Variants in FHIT observed in about 807,000 individuals in gnomAD.
FHIT encodes bis(5'-adenosyl)-triphosphatase.
Under a neutral mutation model 17.9 loss-of-function variants are expected in FHIT, and 19 were observed. That is an observed-to-expected ratio of 1.06 (90% CI 0.74 to 1.56). The LOEUF (loss-of-function observed/expected upper bound fraction) is 1.56. FHIT is among the 40% of genes most tolerant of loss of function. The pLI, the probability that FHIT is intolerant of heterozygous loss-of-function variation, is 0.00. For missense variants in FHIT, 248 were observed against 189.2 expected (o/e 1.31, Z -1.82); for synonymous variants, 81 against 69.7 (o/e 1.16, Z -0.81).
At chr3:60,553,912 C>G (rs2036654078) in intron 4 of FHIT, among the ~76,000 whole-genome samples, 2 of 151,918 alleles carry the variant, frequency 1.3e-5, no homozygotes, top group South Asian at 2.1e-4. Flanking sequence ...ACTGCAAAAC[C>G]CTGTCTCTAC....
chr3:60,455,019 T>A (rs2031998463), intron 5 of FHIT, among the ~76,000 whole-genome samples: 1 of 152,144 alleles, frequency 6.6e-6, no homozygotes, highest in Non-Finnish European at 1.5e-5. Context: ...CTTTAGTGAC[T>A]ATATTATAGT....
chr3:60,385,102 T>C (rs529312199), intron 5 of FHIT, among the ~76,000 whole-genome samples: 1 of 152,334 alleles, frequency 6.6e-6, no homozygotes, highest in East Asian at 1.9e-4. Flanking sequence ...TAGCATTTGC[T>C]ATATAACCAT....
At chr3:60,066,177 G>C (rs1702494508) in intron 5 of FHIT, among the ~76,000 whole-genome samples, 1 of 152,056 alleles carries the variant, frequency 6.6e-6, no homozygotes, top group South Asian at 2.1e-4. Context: ...CTGTTGGAGG[G>C]AAATCCCCAG....
At chr3:60,516,156 G>T (rs1216537239) in intron 5 of FHIT, among the ~76,000 whole-genome samples, 1 of 152,160 alleles carries the variant, frequency 6.6e-6, no homozygotes, top group East Asian at 1.9e-4. Context: ...ACACCGAAGA[G>T]CTTGAATTTA....
intron 2 of FHIT, among the ~76,000 whole-genome samples, chr3:61,054,705 G>C (rs2034153688): frequency 6.6e-6 from 1 of 152,098 alleles, no homozygotes; most frequent in Non-Finnish European, 1.5e-5. Flanking sequence ...TTCTACCTCT[G>C]TGCCTAAGAG....
chr3:60,119,643 C>G (rs187855385), intron 5 of FHIT, among the ~76,000 whole-genome samples: 78 of 152,224 alleles, frequency 5.1e-4, no homozygotes, highest in Non-Finnish European at 9.4e-4. Context: ...TCAAGACTCA[C>G]CTGTGCTAGA....
Position 60,759,281 on chromosome 3 carries a change from G to A in FHIT, c.-18+62638C>T, listed in dbSNP as rs139401338. ...AAATAAGGTGGCAAGGATAGAAATAGAGAACACTTACGCAAAAGTCTAGAG... is the reference window on the plus strand; with the variant it reads ...AAATAAGGTGGCAAGGATAGAAATAAAGAACACTTACGCAAAAGTCTAGAG... On this transcript the variant is annotated intron_variant, in intron 4 of 9. Coordinates refer to ENST00000492590, the MANE Select transcript of FHIT (RefSeq NM_002012.4). Among the ~76,000 whole-genome samples, 869 of 152,318 alleles carry A rather than the reference G, an allele frequency of 5.7e-3. 6 individuals carry two copies. Among genetic ancestry groups the A allele is most frequent in the Non-Finnish European group, 5.9e-3 (399 of 68,022 alleles).
chr3:60,031,665 A>G (rs1005828947), intron 5 of FHIT, among the ~76,000 whole-genome samples: 1 of 152,018 alleles, frequency 6.6e-6, no homozygotes, highest in African/African-American at 2.4e-5. Context: ...AAGCAAAAGG[A>G]CCCCCACCAT....
intron 4 of FHIT, among the ~76,000 whole-genome samples, chr3:60,745,431 A>G (rs1170720183): frequency 6.6e-6 from 1 of 152,206 alleles, no homozygotes; most frequent in African/African-American, 2.4e-5. Flanking sequence ...GTTGGTAGGG[A>G]CCGTGCAAGG....
chr3:60,905,074 G>C (rs2107240969), intron 3 of FHIT, among the ~76,000 whole-genome samples: 1 of 151,832 alleles, frequency 6.6e-6, no homozygotes, highest in South Asian at 2.1e-4. Context: ...TAAGAGAAAA[G>C]CAAATTAAAA....
intron 3 of FHIT, among the ~76,000 whole-genome samples, chr3:61,002,846 G>A (rs571878187): frequency 1.3e-5 from 2 of 151,940 alleles, no homozygotes; most frequent in African/African-American, 2.4e-5. Context: ...TCCTACTCCC[G>A]GCCCAATTTC....
At chr3:60,924,555 T>A (rs1194913209) in intron 3 of FHIT, among the ~76,000 whole-genome samples, 1 of 152,132 alleles carries the variant, frequency 6.6e-6, no homozygotes, top group East Asian at 1.9e-4. Context: ...AAACCCCATC[T>A]GTACGTCACC....
chr3:61,067,971 C>T (rs1247681179), intron 2 of FHIT, among the ~76,000 whole-genome samples: 1 of 152,164 alleles, frequency 6.6e-6, no homozygotes, highest in Non-Finnish European at 1.5e-5. Flanking sequence ...AATGGTGGTT[C>T]TCAAACTTCA....
intron 5 of FHIT, among the ~76,000 whole-genome samples, chr3:60,392,957 A>C (rs1701289539): frequency 6.6e-6 from 1 of 152,168 alleles, no homozygotes; most frequent in African/African-American, 2.4e-5. Context: ...GCGGAGAAAC[A>C]GCTAGGGAAG....
chr3:61,097,509 T>A (rs2035679553), intron 2 of FHIT, among the ~76,000 whole-genome samples: 1 of 152,182 alleles, frequency 6.6e-6, no homozygotes, highest in Admixed American at 6.5e-5. Flanking sequence ...TGCTTTTAGG[T>A]CTTTAAGGAA....
rs115797995 is a variant in FHIT, at chr3:60,767,971, C to T, written c.-18+53948G>A. On this transcript the variant is annotated intron_variant, in intron 4 of 9. Transcript: ENST00000492590. ...CTTACTCTGGCTATCCCTGTTTTAACCCAAACCTAAGACTTCATGGGGCAT... is the reference window on the plus strand; with the variant it reads ...CTTACTCTGGCTATCCCTGTTTTAATCCAAACCTAAGACTTCATGGGGCAT... Among the ~76,000 whole-genome samples the T allele has an allele frequency of 3.5e-3, 533 of 152,282 alleles. 4 individuals are homozygous for T. Among genetic ancestry groups the T allele is most frequent in the African/African-American group, 0.012 (509 of 41,548 alleles).
At chr3:60,520,302 C>G (rs575188504) in intron 5 of FHIT, among the ~76,000 whole-genome samples, 1 of 152,020 alleles carries the variant, frequency 6.6e-6, no homozygotes, top group African/African-American at 2.4e-5. Flanking sequence ...TGAAAAAAAT[C>G]CACAGAAGTG....
intron 8 of FHIT, among the ~76,000 whole-genome samples, chr3:59,847,650 C>T (rs1184359226): frequency 6.6e-6 from 1 of 151,898 alleles, no homozygotes; most frequent in African/African-American, 2.4e-5. Flanking sequence ...CTCTATATGC[C>T]TTGTAATTTT....
At chr3:59,787,945 T>C (rs370963667) in intron 8 of FHIT, among the ~76,000 whole-genome samples, 60 of 152,288 alleles carry the variant, frequency 3.9e-4, no homozygotes, top group African/African-American at 1.3e-3. Flanking sequence ...CTTTTTACCG[T>C]AGAGTGAAAA....
Sources: gnomAD v4.1 joint callset for allele counts (sites outside exome capture counted in the v4.1 genomes callset) on GRCh38, gnomAD v4.1.1 for gene constraint, MANE v1.5 for transcripts, NCBI Gene and HGNC (gene_info 2026-07-23, HGNC 2026-07-21) for gene names.